Variants in ELP4 observed in about 807,000 individuals in gnomAD.
ELP4 encodes the protein elongator complex protein 4.
A neutral mutation model predicts 48.9 loss-of-function variants in ELP4; 51 were observed. That is an observed-to-expected ratio of 1.04 (90% confidence interval 0.83 to 1.32). The LOEUF is 1.32. ELP4 is among the 40% of genes most tolerant of loss of function. ELP4 has a pLI of 0.00. For synonymous variants in ELP4, 210 were observed against 189.2 expected (o/e 1.11, Z -0.90); for missense variants, 519 against 514.6 (o/e 1.01, Z -0.08).
At chr11:31,546,572 T>C (rs1956722846) in intron 3 of ELP4, among the ~76,000 whole-genome samples, 1 of 152,048 alleles carries the variant, frequency 6.6e-6, no homozygotes, top group African/African-American at 2.4e-5. Flanking sequence ...ATTAGACAGA[T>C]CAACGAGACA....
chr11:31,742,948 A>G (rs1947490643), intron 9 of ELP4, among the ~76,000 whole-genome samples: 3 of 152,242 alleles, frequency 2.0e-5, no homozygotes. Flanking sequence ...TAAAAGACAC[A>G]GACTGGCAAA....
chr11:31,586,270 C>A (rs1051641741), intron 3 of ELP4, among the ~76,000 whole-genome samples: 1 of 152,024 alleles, frequency 6.6e-6, no homozygotes, highest in Admixed American at 6.6e-5. Context: ...AAGATATATT[C>A]TATTTTAATA....
chr11:31,520,165 C>T, intron 2 of ELP4, 74 bp downstream of exon 2: 2 of 1,286,894 alleles, frequency 1.6e-6, no homozygotes, highest in African/African-American at 3.0e-5. Context: ...ATCCAATTCC[C>T]ATTCCAAAAT....
At chr11:31,536,117 A>C (rs1054978624) in intron 2 of ELP4, among the ~76,000 whole-genome samples, 6 of 152,178 alleles carry the variant, frequency 3.9e-5, no homozygotes, top group African/African-American at 1.4e-4. Flanking sequence ...GCTGAGTAGT[A>C]ATCCATTTAG....
chr11:31,569,040 G>T (rs546335817), intron 3 of ELP4, among the ~76,000 whole-genome samples: 1 of 151,150 alleles, frequency 6.6e-6, no homozygotes, highest in South Asian at 2.1e-4. Context: ...AGCCGAGATC[G>T]TGCCACTGCA....
chr11:31,514,932 G>T (rs897510012), intron 1 of ELP4, among the ~76,000 whole-genome samples: 1 of 151,070 alleles, frequency 6.6e-6, no homozygotes, highest in Non-Finnish European at 1.5e-5. Flanking sequence ...GTATCTTGTG[G>T]AAATGTTTTG....
chr11:31,651,998 A>G (rs1945330087), intron 9 of ELP4: 1 of 151,722 alleles, frequency 6.6e-6, no homozygotes, highest in Non-Finnish European at 1.5e-5. Flanking sequence ...ACTACACTTC[A>G]CCATCAGAGC....
chr11:31,698,505 T>G (rs1946457627), intron 9 of ELP4, among the ~76,000 whole-genome samples: 1 of 152,170 alleles, frequency 6.6e-6, no homozygotes, highest in East Asian at 1.9e-4. Context: ...CTACATCTCC[T>G]GGGTTCAAGC....
intron 9 of ELP4, among the ~76,000 whole-genome samples, chr11:31,656,753 TA>T (rs1945444068): frequency 6.6e-6 from 1 of 152,154 alleles, no homozygotes; most frequent in East Asian, 1.9e-4. Context: ...CAGCATTGTC[TA>T]AATATGCAAA....
chr11:31,604,297 T>A (rs1352535819), intron 5 of ELP4, among the ~76,000 whole-genome samples: 2 of 151,672 alleles, frequency 1.3e-5, no homozygotes, highest in African/African-American at 4.8e-5. Context: ...CTAGTGTCGT[T>A]TGCTTAATTT....
intron 9 of ELP4, among the ~76,000 whole-genome samples, chr11:31,699,070 T>C (rs1350305003): frequency 6.6e-6 from 1 of 152,164 alleles, no homozygotes; most frequent in Non-Finnish European, 1.5e-5. Flanking sequence ...TTATGTACTA[T>C]ATATGTGTGT....
chr11:31,566,328 A>C (rs1314439848), intron 3 of ELP4, among the ~76,000 whole-genome samples: 1 of 152,010 alleles, frequency 6.6e-6, no homozygotes, highest in African/African-American at 2.4e-5. Context: ...ACTGCACTCT[A>C]TCCTGGGCGT....
Position 31,789,347 on chromosome 11 carries a change from T to G in ELP4, c.*5823T>G. 3.7e-6 allele frequency: 1 copy of G among 268,834 alleles called. No individual in the cohort carries two copies. The highest frequency in any genetic ancestry group is 1.4e-4 in the South Asian group (1 of 7,350). 16.7% of individuals were successfully genotyped at this position (268,834 alleles called of 1,614,324 possible). A position where few individuals can be genotyped will look rare whatever the true frequency, so the allele number is the denominator to read the frequency against. On this transcript the variant is annotated 3_prime_UTR_variant, in exon 10 of 10. Transcript: ENST00000640961. ...ACTTTTTTTCTTCCTTGAATTTATA[T>G]CTTACCCTTTTTTGCACATAAACTT...
chr11:31,629,764 A>ATTT (rs60923235), intron 6 of ELP4, among the ~76,000 whole-genome samples: 22 of 132,976 alleles, frequency 1.7e-4, no homozygotes, highest in African/African-American at 5.6e-4. Flanking sequence ...TACTATCTAG[A>ATTT]TTTTTTTTTT....
At chr11:31,579,029 C>A (rs952842724) in intron 3 of ELP4, among the ~76,000 whole-genome samples, 1 of 152,190 alleles carries the variant, frequency 6.6e-6, no homozygotes, top group Non-Finnish European at 1.5e-5. Context: ...AAAATTTTTA[C>A]AATCTACCCA....
intron 9 of ELP4, among the ~76,000 whole-genome samples, chr11:31,744,536 C>A (rs1335170009): frequency 5.9e-5 from 9 of 152,132 alleles, no homozygotes; most frequent in Non-Finnish European, 1.2e-4. Flanking sequence ...AAAAGCTTAT[C>A]CACCATGATC....
chr11:31,522,670 G>T (rs964405922), intron 2 of ELP4, among the ~76,000 whole-genome samples: 2 of 152,072 alleles, frequency 1.3e-5, no homozygotes, highest in Non-Finnish European at 2.9e-5. Context: ...ATATAGACTT[G>T]CTTCATTGCA....
intron 9 of ELP4, among the ~76,000 whole-genome samples, chr11:31,742,332 A>C (rs1000324017): frequency 2.6e-5 from 4 of 152,340 alleles, no homozygotes; most frequent in Non-Finnish European, 5.9e-5. Flanking sequence ...GCAGGATATT[A>C]TCCAGGAGAA....
Position 31,669,371 on chromosome 11 carries a change from G to A in ELP4, c.1143+19150G>A, listed in dbSNP as rs1288382664. Among the ~76,000 whole-genome samples, 6 of 152,128 alleles carry A rather than the reference G, an allele frequency of 3.9e-5. No homozygotes were observed. The East Asian group carries it at 9.7e-4, about 25-fold the overall frequency. On this transcript the variant is annotated intron_variant, in intron 9 of 9. Transcript: ENST00000640961. ...GCTGGGATTACAGGCATGAGCCACC[G>A]CGCCTGGCCCACGTCTTTTATAAAT...
Sources: allele counts gnomAD v4.1 joint callset (sites outside exome capture counted in the v4.1 genomes callset), GRCh38; gene constraint gnomAD v4.1.1; transcripts MANE v1.5; gene names NCBI Gene and HGNC (gene_info 2026-07-23, HGNC 2026-07-21).